LYPD6: variants seen among roughly 807,000 people sequenced by gnomAD.
LYPD6 encodes the protein LY6/PLAUR domain containing 6, also known as ly6/PLAUR domain-containing protein 6.
In LYPD6, 15 loss-of-function variants were observed where a neutral mutation model predicts 22.7. The ratio of observed to expected loss-of-function variants is 0.66; its 90% CI spans 0.44 to 1.02. The LOEUF (loss-of-function observed/expected upper bound fraction) is 1.02. Ranked by LOEUF, LYPD6 falls within the 50% of genes least tolerant of loss-of-function variation. LYPD6 has a pLI of 0.00. For synonymous variants in LYPD6, 72 were observed against 77.5 expected, an observed-to-expected ratio of 0.93 and a Z score of 0.37; for missense variants, 189 against 208.4, an observed-to-expected ratio of 0.91 and a Z score of 0.57.
At position 149,472,991 on chromosome 2, in the gene LYPD6, G is replaced by A. The variant is rs1304077188; in HGVS notation, c.*2141G>A. On this transcript the variant is annotated 3_prime_UTR_variant, in exon 5 of 5. Transcript: ENST00000334166. ...GTCCCCAGGTGATGTTTTTTCTTTG[G>A]GGAGTAGGGGTTTGGCTTCCTCATT... 1.3e-5 allele frequency: 2 copies of A among 152,536 alleles called. No individual in the cohort carries two copies. The highest frequency in any genetic ancestry group is 1.5e-5 in the Non-Finnish European group (1 of 68,026). 9.4% of individuals were successfully genotyped at this position (152,536 alleles called of 1,614,324 possible).
chr2:149,362,871 A>G (rs983551158), intron 1 of LYPD6, among the ~76,000 whole-genome samples: 1 of 152,138 alleles, frequency 6.6e-6, no homozygotes, highest in Non-Finnish European at 1.5e-5. Flanking sequence ...AACACGTGCA[A>G]TTTGGGGGAT....
At chr2:149,348,586 G>A (rs1681303475) in intron 1 of LYPD6, among the ~76,000 whole-genome samples, 1 of 152,252 alleles carries the variant, frequency 6.6e-6, no homozygotes, top group South Asian at 2.1e-4. Flanking sequence ...GGCAGGTAGA[G>A]CAAGCCAGGG....
At chr2:149,397,290 T>A (rs1300314715) in intron 1 of LYPD6, among the ~76,000 whole-genome samples, 1 of 152,200 alleles carries the variant, frequency 6.6e-6, no homozygotes, top group Non-Finnish European at 1.5e-5. Context: ...ATCTGAAGGT[T>A]CAGCTGGGCT....
At chr2:149,468,148 C>T (rs1254243195) in intron 3 of LYPD6, among the ~76,000 whole-genome samples, 14 of 137,628 alleles carry the variant, frequency 1.0e-4, no homozygotes, top group African/African-American at 3.9e-4. Flanking sequence ...CACACACACA[C>T]ACACACACAC....
intron 3 of LYPD6, among the ~76,000 whole-genome samples, chr2:149,451,081 T>G (rs112684405): frequency 2.0e-5 from 3 of 152,184 alleles, no homozygotes; most frequent in Non-Finnish European, 4.4e-5. Context: ...GGGTAATATA[T>G]AAACAATAGA....
At chr2:149,423,770 C>G (rs1004634772) in intron 1 of LYPD6, among the ~76,000 whole-genome samples, 1 of 105,070 alleles carries the variant, frequency 9.5e-6, no homozygotes, top group Non-Finnish European at 1.8e-5. Context: ...TCTGCCGGGG[C>G]GGGGGGTGGG....
chr2:149,400,011 C>T (rs1682517436), intron 1 of LYPD6, among the ~76,000 whole-genome samples: 1 of 152,160 alleles, frequency 6.6e-6, no homozygotes, highest in Non-Finnish European at 1.5e-5. Flanking sequence ...GCTGACAACC[C>T]ACAGATGCAG....
At chr2:149,393,304 A>G (rs1165593761) in intron 1 of LYPD6, among the ~76,000 whole-genome samples, 2 of 152,030 alleles carry the variant, frequency 1.3e-5, no homozygotes, top group Non-Finnish European at 2.9e-5. Context: ...AAGAGGGTCC[A>G]TTTAAAACCT....
intron 1 of LYPD6, 73 bp from the exon 2 acceptor site, chr2:149,437,565 C>G: frequency 7.7e-7 from 1 of 1,307,072 alleles, no homozygotes; most frequent in Non-Finnish European, 1.1e-6. Context: ...ATCTTACCAG[C>G]ATGGGAGCTC....
Position 149,423,031 on chromosome 2 carries a change from G to A in LYPD6, c.-71-14607G>A, listed in dbSNP as rs1318985011. ...TTTGATTATTGGAATGAACATAGAG[G>A]TTTATCTGATCTTTATAAAATGTAA... On this transcript the variant is annotated intron_variant, in intron 1 of 4. Coordinates refer to ENST00000334166, the MANE Select transcript of LYPD6 (RefSeq NM_194317.5). 2.0e-5 allele frequency among the ~76,000 whole-genome samples: 3 copies of A among 152,100 alleles called. No individual in the cohort carries two copies. In the East Asian group the frequency reaches 5.8e-4, roughly 29 times the overall value.
At chr2:149,400,170 C>T (rs1040375843) in intron 1 of LYPD6, among the ~76,000 whole-genome samples, 2 of 152,202 alleles carry the variant, frequency 1.3e-5, no homozygotes, top group African/African-American at 2.4e-5. Flanking sequence ...GTGATGCGTG[C>T]GCTGCGTTGG....
chr2:149,477,439 G>C (rs28711743), downstream of LYPD6, among the ~76,000 whole-genome samples: 16 of 151,790 alleles, frequency 1.1e-4, no homozygotes, highest in Admixed American at 3.9e-4. Context: ...CCTGGCCAAC[G>C]TGGTGAAACA....
downstream of LYPD6, among the ~76,000 whole-genome samples, chr2:149,475,868 G>C (rs867847655): frequency 3.3e-5 from 5 of 152,114 alleles, no homozygotes; most frequent in Non-Finnish European, 5.9e-5. Flanking sequence ...AGGCCCCACT[G>C]GTAGTTTATA....
At chr2:149,479,181 A>G in the LYPD6 span, among the ~76,000 whole-genome samples, 211 of 152,170 alleles carry the variant, frequency 1.4e-3, no homozygotes, top group Non-Finnish European at 2.5e-3. Context: ...AGTCCCTCCT[A>G]CTTGAAATAC....
intron 1 of LYPD6, among the ~76,000 whole-genome samples, chr2:149,336,791 G>T (rs1487999207): frequency 6.6e-6 from 1 of 152,008 alleles, no homozygotes; most frequent in Non-Finnish European, 1.5e-5. Flanking sequence ...ATAACCTCAG[G>T]TTTCATGTAG....
chr2:149,382,474 C>T (rs566267280), intron 1 of LYPD6, among the ~76,000 whole-genome samples: 1 of 152,180 alleles, frequency 6.6e-6, no homozygotes, highest in South Asian at 2.1e-4. Context: ...AAAATCAACT[C>T]TTTGGCATAC....
At chr2:149,405,311 A>T (rs1323891999) in intron 1 of LYPD6, among the ~76,000 whole-genome samples, 1 of 152,066 alleles carries the variant, frequency 6.6e-6, no homozygotes, top group Non-Finnish European at 1.5e-5. Flanking sequence ...AAGCAATGGT[A>T]CCAGTTCCTC....
chr2:149,400,075 C>T (rs1475306377), intron 1 of LYPD6, among the ~76,000 whole-genome samples: 1 of 152,182 alleles, frequency 6.6e-6, no homozygotes, highest in Non-Finnish European at 1.5e-5. Flanking sequence ...CTTCCCAGCA[C>T]ACTGCAGCTG....
chr2:149,415,970 C>G (rs1179891311), intron 1 of LYPD6, among the ~76,000 whole-genome samples: 1 of 152,152 alleles, frequency 6.6e-6, no homozygotes, highest in Non-Finnish European at 1.5e-5. Flanking sequence ...GCAGGAGTCA[C>G]CATGCCCAGC....
Sources: allele counts gnomAD v4.1 joint callset (sites outside exome capture counted in the v4.1 genomes callset), GRCh38; gene constraint gnomAD v4.1.1; transcripts MANE v1.5; gene names NCBI Gene and HGNC (gene_info 2026-07-23, HGNC 2026-07-21).